The following GAS2 variants were observed in gnomAD, a reference collection of about 807,000 sequenced individuals.
GAS2 encodes growth arrest-specific protein 2.
In GAS2, 20 loss-of-function variants were observed where a neutral mutation model predicts 37.5. That is an observed-to-expected ratio of 0.53 (90% confidence interval 0.37 to 0.77). The LOEUF (loss-of-function observed/expected upper bound fraction) is 0.77. Among genes scored for constraint, GAS2 ranks in the 30% least tolerant of loss-of-function variants. The pLI is 0.00. For missense variants in GAS2, 336 were observed against 373.4 expected (o/e 0.90, Z 0.82); for synonymous variants, 144 against 132.2 (o/e 1.09, Z -0.61).
At chr11:22,733,248 A>C (rs2134201946) in intron 4 of GAS2, among the ~76,000 whole-genome samples, 1 of 151,764 alleles carries the variant, frequency 6.6e-6, no homozygotes, top group South Asian at 2.1e-4. Context: ...CTAGTTTACT[A>C]TTTCTTCTAC....
intron 1 of GAS2, among the ~76,000 whole-genome samples, chr11:22,644,481 G>C (rs1317742314): frequency 6.6e-6 from 1 of 152,188 alleles, no homozygotes; most frequent in Admixed American, 6.5e-5. Flanking sequence ...TAAGGGAATA[G>C]AGAGATATTT....
intron 7 of GAS2, among the ~76,000 whole-genome samples, chr11:22,781,908 A>G (rs1010905025): frequency 2.0e-5 from 3 of 152,164 alleles, no homozygotes; most frequent in African/African-American, 2.4e-5. Flanking sequence ...ACCAATGGCT[A>G]TGTTGCATGG....
intron 7 of GAS2, among the ~76,000 whole-genome samples, chr11:22,785,278 C>T (rs1293266587): frequency 3.3e-5 from 5 of 152,130 alleles, no homozygotes; most frequent in African/African-American, 1.2e-4. Context: ...ATTTGATGCC[C>T]TACCACCTCC....
chr11:22,811,074 C>A (rs2134703960), intron 7 of GAS2, among the ~76,000 whole-genome samples: 1 of 152,200 alleles, frequency 6.6e-6, no homozygotes. Context: ...CCATGTCAAA[C>A]CTCCATGATA....
chr11:22,767,267 T>C (rs1163895635), intron 7 of GAS2, among the ~76,000 whole-genome samples: 1 of 152,134 alleles, frequency 6.6e-6, no homozygotes, highest in African/African-American at 2.4e-5. Context: ...TGTTAGTGAT[T>C]GATCCAGGTT....
chr11:22,789,378 ATGTACATATATATG>A (rs1417391000), intron 7 of GAS2, among the ~76,000 whole-genome samples: 7 of 85,002 alleles, frequency 8.2e-5, no homozygotes, highest in African/African-American at 2.7e-4. Flanking sequence ...ACACATATAT[ATGTACATATATATG>A]TGTGTGTGTG....
intron 6 of GAS2, among the ~76,000 whole-genome samples, chr11:22,754,606 T>C (rs4923023): frequency 2.6e-4 from 39 of 150,486 alleles, no homozygotes; most frequent in Admixed American, 1.1e-3. Context: ...AGGGTTTTTT[T>C]CCTTTTTTTT....
At chr11:22,693,565 C>T (rs527859907) in intron 3 of GAS2, among the ~76,000 whole-genome samples, 39 of 152,254 alleles carry the variant, frequency 2.6e-4, no homozygotes, top group Non-Finnish European at 2.9e-4. Context: ...CACAAAAGAA[C>T]TTATTCCATG....
chr11:22,738,277 A>G (rs914723774), intron 5 of GAS2, among the ~76,000 whole-genome samples: 7 of 152,240 alleles, frequency 4.6e-5, no homozygotes, highest in African/African-American at 1.4e-4. Context: ...GGAAAGACAT[A>G]GAATGTTATC....
At chr11:22,718,573 C>G (rs1247208924) in intron 3 of GAS2, among the ~76,000 whole-genome samples, 1 of 151,848 alleles carries the variant, frequency 6.6e-6, no homozygotes, top group African/African-American at 2.4e-5. Flanking sequence ...GTACACTGCT[C>G]AAGTGATGGG....
intron 7 of GAS2, among the ~76,000 whole-genome samples, chr11:22,780,508 G>A (rs1381081765): frequency 2.2e-5 from 3 of 136,560 alleles, no homozygotes; most frequent in African/African-American, 8.4e-5. Flanking sequence ...ATATGTGTCT[G>A]AGACCTACCA....
At position 22,812,676 on chromosome 11, in the gene GAS2, A is replaced by G. The variant is rs771501139; in HGVS notation, c.*660A>G. The G allele has an allele frequency of 1.3e-5, 2 of 152,720 alleles. No individual in the cohort carries two copies. Among genetic ancestry groups the G allele is most frequent in the Non-Finnish European group, 2.9e-5 (2 of 68,126 alleles). 9.5% of individuals were successfully genotyped at this position (152,720 alleles called of 1,614,324 possible). On this transcript the variant is annotated 3_prime_UTR_variant, in exon 8 of 8. Transcript: ENST00000454584. ...TAGAGAATAGCTTATGAGTTATTTC[A>G]CACATTCCTGAGCACATGGCTGTGT...
At chr11:22,784,842 G>C (rs1316852925) in intron 7 of GAS2, among the ~76,000 whole-genome samples, 1 of 151,958 alleles carries the variant, frequency 6.6e-6, no homozygotes, top group Non-Finnish European at 1.5e-5. Context: ...CTTTCTACCT[G>C]GTTTCCCCAA....
At chr11:22,711,374 C>T (rs980615911) in intron 3 of GAS2, among the ~76,000 whole-genome samples, 2 of 152,154 alleles carry the variant, frequency 1.3e-5, no homozygotes, top group African/African-American at 4.8e-5. Flanking sequence ...CACAGAGGTC[C>T]TTGGGGAAAG....
chr11:22,797,076 G>C (rs1856462193), intron 7 of GAS2, among the ~76,000 whole-genome samples: 1 of 151,986 alleles, frequency 6.6e-6, no homozygotes, highest in Non-Finnish European at 1.5e-5. Flanking sequence ...GTCTGAAATG[G>C]TGCCATACAC....
chr11:22,651,129 C>G (rs1848770230), intron 1 of GAS2, among the ~76,000 whole-genome samples: 1 of 151,864 alleles, frequency 6.6e-6, no homozygotes, highest in African/African-American at 2.4e-5. Context: ...GACAAAATCT[C>G]TCAGCATTTG....
intron 1 of GAS2, among the ~76,000 whole-genome samples, chr11:22,667,531 T>C (rs150265318): frequency 3.7e-4 from 57 of 152,326 alleles, no homozygotes; most frequent in Non-Finnish European, 5.7e-4. Flanking sequence ...GGGGAGATTT[T>C]GCGTGGTATC....
intron 1 of GAS2, chr11:22,668,359 T>A (rs554937530): frequency 6.6e-5 from 10 of 152,414 alleles, no homozygotes; most frequent in African/African-American, 2.4e-4. Context: ...GGATGAGGCA[T>A]GGGACAGTGT....
Position 22,755,881 on chromosome 11 carries a change from C to T in GAS2, c.651C>T (p.Cys217=). 6.2e-7 allele frequency: 1 copy of T among 1,613,006 alleles called. No individual in the cohort carries two copies. Residue 217 remains cysteine (C), a synonymous_variant, in exon 7 of 8, where the codon TGC becomes TGT. Coordinates refer to ENST00000454584, the MANE Select transcript of GAS2 (RefSeq NM_001143830.3). The part of the protein sequence containing the change: ...KRISEDPPCK[C]PNKFCVERLS... ...TTTCTGAAGATCCTCCTTGCAAATG[C>T]CCAAACAAGTTCTGTGTGGAGCGGC...
Sources: allele counts gnomAD v4.1 joint callset (sites outside exome capture counted in the v4.1 genomes callset), GRCh38; gene constraint gnomAD v4.1.1; transcripts MANE v1.5; gene names NCBI Gene and HGNC (gene_info 2026-07-23, HGNC 2026-07-21).